Variants in ARID2 observed in about 807,000 individuals in gnomAD.
ARID2 encodes AT-rich interaction domain 2.
Under a neutral mutation model 184.6 loss-of-function variants are expected in ARID2, and 32 were observed. That is an observed-to-expected ratio of 0.17 (90% CI 0.13 to 0.23). The LOEUF (loss-of-function observed/expected upper bound fraction) is 0.23. Ranked by LOEUF, ARID2 falls within the 10% of genes least tolerant of loss-of-function variation. The pLI is 1.00. For synonymous variants in ARID2, 836 were observed against 772.6 expected (o/e 1.08, Z -1.36); for missense variants, 1,696 against 2,197.6 (o/e 0.77, Z 4.56).
intron 16 of ARID2, among the ~76,000 whole-genome samples, chr12:45,875,144 G>A (rs1943990201): frequency 6.6e-6 from 1 of 152,066 alleles, no homozygotes; most frequent in Admixed American, 6.6e-5. Context: ...AATAGTTGAA[G>A]TGACTGCTTG....
chr12:45,745,448 C>A (rs1436337112), intron 3 of ARID2, among the ~76,000 whole-genome samples: 1 of 152,134 alleles, frequency 6.6e-6, no homozygotes, highest in African/African-American at 2.4e-5. Flanking sequence ...GAAACCAAAT[C>A]AGATCTGCAT....
Position 45,846,480 on chromosome 12 carries a change from T to G in ARID2, c.1499-376T>G, listed in dbSNP as rs540602614. On this transcript the variant is annotated intron_variant, in intron 11 of 20. Transcript: ENST00000334344. ...CCTGGGCCAGTTTTTTAAATCACTTTGAGTCTCAGTTTTCTTATCTGTACC... is the reference window on the plus strand; with the variant it reads ...CCTGGGCCAGTTTTTTAAATCACTTGGAGTCTCAGTTTTCTTATCTGTACC... 2.7e-3 allele frequency among the ~76,000 whole-genome samples: 412 copies of G among 152,290 alleles called. 1 individual carries two copies. The highest frequency in any genetic ancestry group is 9.4e-3 in the African/African-American group (391 of 41,582).
At chr12:45,887,401 A>T (rs971231271) in intron 16 of ARID2, among the ~76,000 whole-genome samples, 1 of 152,228 alleles carries the variant, frequency 6.6e-6, no homozygotes, top group Non-Finnish European at 1.5e-5. Flanking sequence ...ATCAAAGAAA[A>T]AGTGTTGTTT....
At chr12:45,730,936 G>C (rs1423195037) in intron 2 of ARID2, among the ~76,000 whole-genome samples, 1 of 147,608 alleles carries the variant, frequency 6.8e-6, no homozygotes, top group African/African-American at 2.5e-5. Flanking sequence ...GGGGGCGACA[G>C]AGGGACTTGC....
intron 16 of ARID2, chr12:45,881,885 A>G: frequency 4.7e-6 from 1 of 211,366 alleles, no homozygotes; most frequent in South Asian, 8.4e-5. Flanking sequence ...TGTGTCTGGG[A>G]TCTGGGGAGG....
At position 45,811,700 on chromosome 12, in the gene ARID2, G is replaced by GT. The variant is rs1942711750; in HGVS notation, c.418+150dup. On this transcript the variant is annotated intron_variant, in intron 4 of 20. Transcript: ENST00000334344. ...GCTTTCAAAGATTGACATCTAATTG[G>GT]TATCAGAGCCCTTTCTCTCACAGGT... 1.1e-5 allele frequency: 9 copies of GT among 791,954 alleles called. No homozygotes were observed. In the East Asian group the frequency reaches 2.9e-4, roughly 25 times the overall value. 49.1% of individuals were successfully genotyped at this position (791,954 alleles called of 1,614,324 possible). A position where few individuals can be genotyped will look rare whatever the true frequency, so the allele number is the denominator to read the frequency against.
At chr12:45,853,338 TA>T (rs1384674172) in intron 15 of ARID2, among the ~76,000 whole-genome samples, 1 of 152,228 alleles carries the variant, frequency 6.6e-6, no homozygotes, top group Admixed American at 6.5e-5. Context: ...ATGAATCTTG[TA>T]ATAACTTTAT....
rs1175726785 is a variant in ARID2 at position 45,907,141 on chromosome 12, T to G, written c.*2063T>G. The G allele has an allele frequency of 2.1e-5, 5 of 232,660 alleles. No individual in the cohort carries two copies. The highest frequency in any genetic ancestry group is 1.1e-4 in the African/African-American group (5 of 45,322). The allele number at this position is 232,660 out of a possible 1,614,324, so 14.4% of individuals were successfully genotyped here. A position where few individuals can be genotyped will look rare whatever the true frequency, so the allele number is the denominator to read the frequency against. ...TTGGCCCACCTTCCAAGACTGGCAC[T>G]GCCCAACAGACACCGCTGAAATCAT... On this transcript the variant is annotated 3_prime_UTR_variant, in exon 21 of 21. Transcript: ENST00000334344.
At position 45,906,156 on chromosome 12, in the gene ARID2, T is replaced by C. The variant is rs2136473954; in HGVS notation, c.*1078T>C. On this transcript the variant is annotated 3_prime_UTR_variant, in exon 21 of 21. Coordinates refer to ENST00000334344, the MANE Select transcript of ARID2 (RefSeq NM_152641.4). ...TTTTGTATTTGTAAATTGGTTTAAA[T>C]ACATGGAATTTTATACAGGTTTTCT... The C allele has an allele frequency of 4.3e-6, 1 of 232,790 alleles. No individual in the cohort carries two copies. The highest frequency in any genetic ancestry group is 6.1e-5 in the East Asian group (1 of 16,366). 14.4% of individuals were successfully genotyped at this position (232,790 alleles called of 1,614,324 possible).
At chr12:45,746,650 C>T (rs1401976206) in intron 3 of ARID2, among the ~76,000 whole-genome samples, 1 of 152,140 alleles carries the variant, frequency 6.6e-6, no homozygotes, top group Non-Finnish European at 1.5e-5. Flanking sequence ...AGTGGTAACT[C>T]ATTTTCTCTT....
rs199634179 is a variant in ARID2 at position 45,836,935 on chromosome 12, C to T, written c.967C>T (p.His323Tyr). 6.2e-7 allele frequency: 1 copy of T among 1,613,988 alleles called. No individual in the cohort carries two copies. Among genetic ancestry groups the T allele is most frequent in the Non-Finnish European group, 8.5e-7 (1 of 1,179,968 alleles). The change falls in exon 8 of 21, where the codon CAT becomes TAT. Residue 323 changes from histidine (H) to tyrosine (Y), a missense_variant. Coordinates refer to ENST00000334344, the MANE Select transcript of ARID2 (RefSeq NM_152641.4). ...TTTCCTATTACTTTCTGCACATAGT[C>T]ATTTTATTTCTTTAAGGCAATTAGG... ...LRFLLLSAHS[H>Y]FISLRQLGLD...
intron 3 of ARID2, among the ~76,000 whole-genome samples, chr12:45,801,271 C>T (rs1364989919): frequency 6.7e-6 from 1 of 150,276 alleles, no homozygotes; most frequent in African/African-American, 2.5e-5. Flanking sequence ...GAGATAGCGC[C>T]ACTGCAGTCC....
Position 45,730,125 on chromosome 12 carries a change from C to G in ARID2, c.174C>G (p.Gly58=), listed in dbSNP as rs1203542884. The G allele has an allele frequency of 2.5e-6, 4 of 1,612,924 alleles. No individual in the cohort carries two copies. Among genetic ancestry groups the G allele is most frequent in the South Asian group, 2.2e-5 (2 of 90,998 alleles). ...HGLYTRVTTL[G]GFAKVSEKNQ... ...TCTACACCAGAGTCACTACTTTAGG[C>G]GGATTCGCGAAGGTGAGTGGAAGTT... is the stretch of plus-strand genomic sequence containing the variant. Residue 58 remains glycine (G), a synonymous_variant, in exon 2 of 21, where the codon GGC becomes GGG. Transcript: ENST00000334344.
At chr12:45,897,635 G>A (rs1944386720) in intron 20 of ARID2, among the ~76,000 whole-genome samples, 1 of 152,018 alleles carries the variant, frequency 6.6e-6, no homozygotes. Context: ...TGAAGGCAGG[G>A]AATTGAAAGA....
chr12:45,904,635 G>A (rs1944497442), intron 20 of ARID2, among the ~76,000 whole-genome samples: 1 of 140,674 alleles, frequency 7.1e-6, no homozygotes, highest in African/African-American at 2.7e-5. Context: ...AGGTTGCAGT[G>A]AGCTAAGATT....
chr12:45,790,459 A>T (rs1942274237), intron 3 of ARID2, among the ~76,000 whole-genome samples: 1 of 152,238 alleles, frequency 6.6e-6, no homozygotes, highest in Admixed American at 6.5e-5. Context: ...TAACTCATGA[A>T]AATTTTAAAT....
intron 3 of ARID2, among the ~76,000 whole-genome samples, chr12:45,800,932 G>C (rs1252869172): frequency 3.3e-5 from 5 of 152,148 alleles, no homozygotes; most frequent in African/African-American, 9.7e-5. Flanking sequence ...GAGACTCTCT[G>C]AATCCATGGT....
intron 3 of ARID2, among the ~76,000 whole-genome samples, chr12:45,762,974 T>C (rs1941707888): frequency 6.6e-6 from 1 of 152,242 alleles, no homozygotes; most frequent in African/African-American, 2.4e-5. Flanking sequence ...TATTGTGATC[T>C]ATAACAGCTA....
At chr12:45,746,935 T>C (rs1460507134) in intron 3 of ARID2, among the ~76,000 whole-genome samples, 1 of 151,974 alleles carries the variant, frequency 6.6e-6, no homozygotes, top group Non-Finnish European at 1.5e-5. Context: ...CCCAGCTAAT[T>C]TTTCTTTGTA....
Sources: gnomAD v4.1 joint callset for allele counts (sites outside exome capture counted in the v4.1 genomes callset) on GRCh38, gnomAD v4.1.1 for gene constraint, MANE v1.5 for transcripts, NCBI Gene and HGNC (gene_info 2026-07-23, HGNC 2026-07-21) for gene names.